The following TSPAN8 variants were observed in gnomAD, a reference collection of about 807,000 sequenced individuals.
The protein encoded by TSPAN8 is tetraspanin 8.
TSPAN8 carries 21 observed loss-of-function variants against 32.8 expected under a neutral mutation model. That is an observed-to-expected ratio of 0.64 (90% CI 0.45 to 0.92). TSPAN8 has a LOEUF of 0.92. TSPAN8 is among the 40% of genes least tolerant of loss of function. The pLI, the probability that TSPAN8 is intolerant of heterozygous loss-of-function variation, is 0.00. For synonymous variants in TSPAN8, 95 were observed against 94.6 expected (o/e 1.00, Z -0.03); for missense variants, 269 against 281.9 (o/e 0.95, Z 0.33).
intron 3 of TSPAN8, among the ~76,000 whole-genome samples, 156 bp from the exon 4 acceptor site, chr12:71,140,004 C>G (rs144804340): frequency 3.2e-3 from 486 of 152,208 alleles, no homozygotes; most frequent in Non-Finnish European, 5.1e-3. Context: ...TCCTTGCCCT[C>G]ATGGAGCTCA....
At chr12:71,133,875 G>A (rs1871598860) in intron 6 of TSPAN8, among the ~76,000 whole-genome samples, 1 of 151,986 alleles carries the variant, frequency 6.6e-6, no homozygotes, top group African/African-American at 2.4e-5. Context: ...CTCAATTAAG[G>A]GGAAAACACT....
chr12:71,155,982 C>A (rs188731509), intron 2 of TSPAN8, among the ~76,000 whole-genome samples: 1 of 152,044 alleles, frequency 6.6e-6, no homozygotes. Context: ...CCACCCATCT[C>A]GGTCTCCCAA....
At chr12:71,128,496 C>A (rs545427360) in intron 8 of TSPAN8, among the ~76,000 whole-genome samples, 17 of 152,200 alleles carry the variant, frequency 1.1e-4, no homozygotes, top group African/African-American at 3.9e-4. Flanking sequence ...CTTGCTAATG[C>A]CCTGGAATAG....
At chr12:71,127,655 A>G (rs1416412963) in intron 8 of TSPAN8, among the ~76,000 whole-genome samples, 1 of 152,244 alleles carries the variant, frequency 6.6e-6, no homozygotes, top group African/African-American at 2.4e-5. Flanking sequence ...TAATTAATAC[A>G]TGGAATATAA....
chr12:71,146,708 T>C (rs1174562516), intron 2 of TSPAN8, among the ~76,000 whole-genome samples: 3 of 152,182 alleles, frequency 2.0e-5, no homozygotes, highest in Non-Finnish European at 4.4e-5. Flanking sequence ...CTGGTTTTCA[T>C]TCAGCTTTCA....
At chr12:71,155,330 C>T (rs1872391955) in intron 2 of TSPAN8, among the ~76,000 whole-genome samples, 1 of 151,990 alleles carries the variant, frequency 6.6e-6, no homozygotes, top group Admixed American at 6.6e-5. Context: ...AGTGCCTCCT[C>T]ATGAAAGAAT....
chr12:71,139,981 T>A, intron 3 of TSPAN8, 133 bp from the exon 4 acceptor site: 1 of 321,028 alleles, frequency 3.1e-6, no homozygotes, highest in Non-Finnish European at 4.9e-6. Context: ...TCAGTGATCT[T>A]AAAAAGTACA....
intron 6 of TSPAN8, among the ~76,000 whole-genome samples, chr12:71,137,628 A>G (rs918658100): frequency 2.0e-5 from 3 of 152,148 alleles, no homozygotes; most frequent in Admixed American, 1.3e-4. Flanking sequence ...AGAGAGAGAG[A>G]AAGAGAGGAG....
intron 2 of TSPAN8, among the ~76,000 whole-genome samples, chr12:71,144,865 T>C (rs1872022638): frequency 6.6e-6 from 1 of 152,182 alleles, no homozygotes; most frequent in Non-Finnish European, 1.5e-5. Context: ...TTAATGATTT[T>C]ACCAGATTAT....
chr12:71,148,844 T>TA (rs1421961541), intron 2 of TSPAN8, among the ~76,000 whole-genome samples: 1 of 152,240 alleles, frequency 6.6e-6, no homozygotes, highest in African/African-American at 2.4e-5. Context: ...TTTCCCTTTT[T>TA]ATCTCATCCC....
chr12:71,156,742 G>C (rs1217915730), intron 2 of TSPAN8, among the ~76,000 whole-genome samples: 6 of 152,134 alleles, frequency 3.9e-5, no homozygotes, highest in African/African-American at 1.4e-4. Flanking sequence ...TCCTTGGAGT[G>C]GATAAGGTAG....
chr12:71,141,717 C>G (rs953616005), intron 3 of TSPAN8, among the ~76,000 whole-genome samples: 1 of 152,142 alleles, frequency 6.6e-6, no homozygotes, highest in Non-Finnish European at 1.5e-5. Flanking sequence ...AGTGGTTATT[C>G]TTATTCAAGA....
intron 7 of TSPAN8, among the ~76,000 whole-genome samples, chr12:71,130,126 T>C (rs1871475485): frequency 6.6e-6 from 1 of 151,992 alleles, no homozygotes. Flanking sequence ...CTAATTTTTG[T>C]TGTGTTTTGT....
rs1490519793 is a variant in TSPAN8, at chr12:71,142,852, A to AAC, written c.123+1298_123+1299insGT. Among the ~76,000 whole-genome samples the AAC allele has an allele frequency of 8.0e-5, 12 of 150,584 alleles. No homozygotes were observed. The East Asian group carries it at 1.0e-3, about 13-fold the overall frequency. ...AGAGAGAGAGAGGAAAAAAACAAAA[A>AAC]AAAAAAAAACAGAGATAGAGTGAGA... On this transcript the variant is annotated intron_variant, in intron 3 of 8. Coordinates refer to ENST00000247829, the MANE Select transcript of TSPAN8 (RefSeq NM_004616.3).
At chr12:71,133,193 C>T (rs763369326) in intron 6 of TSPAN8, among the ~76,000 whole-genome samples, 36 of 152,130 alleles carry the variant, frequency 2.4e-4, no homozygotes, top group Admixed American at 1.1e-3. Context: ...AAGGGATTCT[C>T]CTACCTCAGC....
chr12:71,154,815 G>A (rs1395531790), intron 2 of TSPAN8, among the ~76,000 whole-genome samples: 1 of 152,146 alleles, frequency 6.6e-6, no homozygotes, highest in Non-Finnish European at 1.5e-5. Flanking sequence ...GCTGATTCGA[G>A]GTCTGGACAG....
At chr12:71,131,779 TG>T (rs1236052654) in intron 7 of TSPAN8, among the ~76,000 whole-genome samples, 2 of 151,728 alleles carry the variant, frequency 1.3e-5, no homozygotes, top group African/African-American at 4.8e-5. Flanking sequence ...AAGGGACAGA[TG>T]TCATGTTCTT....
At chr12:71,132,903 TG>T in intron 6 of TSPAN8, 79 bp from the exon 7 acceptor site, 4 of 1,491,780 alleles carry the variant, frequency 2.7e-6, no homozygotes, top group Non-Finnish European at 2.8e-6. Flanking sequence ...TATAATCTTC[TG>T]AAATCATTAT....
chr12:71,148,267 A>T (rs1425502016), intron 2 of TSPAN8, among the ~76,000 whole-genome samples: 1 of 152,170 alleles, frequency 6.6e-6, no homozygotes, highest in East Asian at 1.9e-4. Flanking sequence ...ATACCTGAAG[A>T]TCTCTTTCTC....
Sources: allele counts gnomAD v4.1 joint callset (sites outside exome capture counted in the v4.1 genomes callset), GRCh38; gene constraint gnomAD v4.1.1; transcripts MANE v1.5; gene names NCBI Gene and HGNC (gene_info 2026-07-23, HGNC 2026-07-21).